The following DUSP8 variants were observed in gnomAD, a reference collection of about 807,000 sequenced individuals.
DUSP8 encodes dual specificity protein phosphatase 8.
In DUSP8, 15 loss-of-function variants were observed where a neutral mutation model predicts 38.7. That is an observed-to-expected ratio of 0.39 (90% CI 0.26 to 0.60). The LOEUF is 0.60. Among genes scored for constraint, DUSP8 ranks in the 20% least tolerant of loss-of-function variants. The probability of loss-of-function intolerance (pLI) is 0.56; values close to 1 mark genes in which losing one functional copy is unlikely to be tolerated. For synonymous variants in DUSP8, 458 were observed against 433.9 expected (o/e 1.06, Z -0.69); for missense variants, 768 against 915.0 (o/e 0.84, Z 2.07).
At position 1,556,718 on chromosome 11, in the gene DUSP8, C is replaced by G; in HGVS notation, c.1678G>C (p.Glu560Gln). 8.1e-7 allele frequency: 1 copy of G among 1,236,550 alleles called. No homozygotes were observed. The highest frequency in any genetic ancestry group is 1.0e-6 in the Non-Finnish European group (1 of 990,202). 76.6% of individuals were successfully genotyped at this position (1,236,550 alleles called of 1,614,324 possible). ...PGGGSDLRRREAARAEPRDAR... is the reference protein window; with the variant it reads ...PGGGSDLRRRQAARAEPRDAR... ...TCCCGGGGCTCAGCCCTCGCTGCCT[C>G]CCGCCGCCGCAGGTCGCTGCCGCCG... Residue 560 changes from glutamate to glutamine, a missense_variant, in exon 7 of 7, where the codon GAG (glutamate) becomes CAG (glutamine). This residue lies in a region of DUSP8 where 474 missense variants were observed against 430.8 expected (regional missense o/e 1.10). Transcript: ENST00000397374. This position sits in a 1 kb window ranked among gnomAD's most constrained non-coding sequence, Gnocchi z 5.2.
In DUSP8 at chr11:1,557,528, G is replaced by A. The variant is rs772394327; in HGVS notation, c.868C>T (p.Leu290=). Residue 290 remains leucine (L), a synonymous_variant, in exon 7 of 7, where the codon CTG becomes TTG. Transcript: ENST00000397374. This position sits in a 1 kb window ranked among gnomAD's most constrained non-coding sequence, Gnocchi z 9.9. ...CGCTCGTACTCCAGCAGCTGGCCCA[G>A]GAAGTTGAAGTTGGGCGAGATGGAC... ...RPSISPNFNF[L]GQLLEYERSL... 2.4e-5 allele frequency: 39 copies of A among 1,592,122 alleles called. No individual in the cohort carries two copies. In the South Asian group the frequency reaches 4.1e-4, roughly 17 times the overall value.
chr11:1,568,697 C>G (rs1400421097), intron 1 of DUSP8, among the ~76,000 whole-genome samples: 1 of 152,218 alleles, frequency 6.6e-6, no homozygotes, highest in East Asian at 1.9e-4. Flanking sequence ...TCTGCCCTAC[C>G]TGGTCCTAAC....
chr11:1,559,299 T>G, intron 3 of DUSP8: 1 of 455,398 alleles, frequency 2.2e-6, no homozygotes, highest in Non-Finnish European at 3.8e-6. Context: ...TCATGCTAAT[T>G]AGGGGCTGAC....
intron 3 of DUSP8, among the ~76,000 whole-genome samples, chr11:1,561,384 C>T (rs1044370503): frequency 5.9e-5 from 9 of 152,224 alleles, no homozygotes; most frequent in Non-Finnish European, 2.9e-5. Flanking sequence ...CAGTCACAGA[C>T]GCACTTCTGC....
In DUSP8 at chr11:1,565,550, T is replaced by C. The variant is rs772248276; in HGVS notation, c.231+46A>G. 3 of 1,491,884 alleles carry C rather than the reference T, an allele frequency of 2.0e-6. No individual in the cohort carries two copies. In the South Asian group the frequency reaches 3.5e-5, roughly 18 times the overall value. 92.4% of individuals were successfully genotyped at this position (1,491,884 alleles called of 1,614,324 possible). A position where few individuals can be genotyped will look rare whatever the true frequency, so the allele number is the denominator to read the frequency against. Reference sequence around the variant, plus strand: ...GCCCGAGCTGAGGGCCCCTTAGCTGTGGACCCTGGACGTGATGCATGCCTG... The same window carrying C: ...GCCCGAGCTGAGGGCCCCTTAGCTGCGGACCCTGGACGTGATGCATGCCTG... On this transcript the variant is annotated intron_variant, in intron 2 of 6. Coordinates refer to ENST00000397374, the MANE Select transcript of DUSP8 (RefSeq NM_004420.3).
In DUSP8 at chr11:1,557,723, G is replaced by C; in HGVS notation, c.821+71C>G. On this transcript the variant is annotated intron_variant, in intron 6 of 6. Transcript: ENST00000397374. This position sits in a 1 kb window ranked among gnomAD's most constrained non-coding sequence, Gnocchi z 9.9. ...GGTCCTGGACGGTGGGGTCATTCTG[G>C]TGCAAGTGGGCAGCCGGGGGAAGGG... 6.2e-7 allele frequency: 1 copy of C among 1,603,096 alleles called. No individual in the cohort carries two copies. The highest frequency in any genetic ancestry group is 8.5e-7 in the Non-Finnish European group (1 of 1,175,034).
Position 1,569,157 on chromosome 11 carries a change from G to A in DUSP8, c.-109+2744C>T, listed in dbSNP as rs528205214. Among the ~76,000 whole-genome samples, 5 of 152,270 alleles carry A rather than the reference G, an allele frequency of 3.3e-5. No individual in the cohort carries two copies. In the East Asian group the frequency reaches 9.6e-4, roughly 29 times the overall value. Reference sequence around the variant, plus strand: ...TGGCCCTGCTATTCCAGTGCCTAGGGGTTGGGGGGTGAGAGGCAGGGCTGG... The same window carrying A: ...TGGCCCTGCTATTCCAGTGCCTAGGAGTTGGGGGGTGAGAGGCAGGGCTGG... On this transcript the variant is annotated intron_variant, in intron 1 of 6. Transcript: ENST00000397374.
Position 1,565,710 on chromosome 11 carries a change from G to A in DUSP8, c.117C>T (p.Asn39=). ...TGACGGAGCTGAGCACATGCCAGCTGTTGTACTCCACGAAGGAGCGGCTGT... is the reference window on the plus strand; with the variant it reads ...TGACGGAGCTGAGCACATGCCAGCTATTGTACTCCACGAAGGAGCGGCTGT... ...VIDSRSFVEY[N]SWHVLSSVNI... is the part of the protein sequence containing the mutation. Residue 39 remains asparagine, a synonymous_variant, in exon 2 of 7, where the codon AAC becomes AAT. Coordinates refer to ENST00000397374, the MANE Select transcript of DUSP8 (RefSeq NM_004420.3). The A allele has an allele frequency of 6.2e-7, 1 of 1,612,002 alleles. No homozygotes were observed. Among genetic ancestry groups the A allele is most frequent in the Non-Finnish European group, 8.5e-7 (1 of 1,179,706 alleles).
chr11:1,560,594 T>C (rs1274858420), intron 3 of DUSP8, among the ~76,000 whole-genome samples: 1 of 152,202 alleles, frequency 6.6e-6, no homozygotes, highest in Non-Finnish European at 1.5e-5. Context: ...ACCTGCTGAC[T>C]GGACAGGGGA....
At chr11:1,570,336 C>A (rs1168840413) in intron 1 of DUSP8, among the ~76,000 whole-genome samples, 2 of 152,144 alleles carry the variant, frequency 1.3e-5, no homozygotes, top group African/African-American at 4.8e-5. Context: ...GGGGCCTCAG[C>A]GGGTGCAGTT....
In DUSP8 at chr11:1,558,084, C is replaced by A; in HGVS notation, c.697+28G>T. 1 of 1,611,714 alleles carries A rather than the reference C, an allele frequency of 6.2e-7. No individual in the cohort carries two copies. Among genetic ancestry groups the A allele is most frequent in the South Asian group, 1.1e-5 (1 of 90,978 alleles). On this transcript the variant is annotated intron_variant, in intron 5 of 6. Transcript: ENST00000397374. The surrounding 1 kb of genome is among the most constrained non-coding windows in gnomAD (Gnocchi z 6.3). ...AGCTCTAGCCTTCCTCTAGCCAGGT[C>A]CCTGCCCTCCGCCCACCGCAGACTC...
rs758964260 is a variant in DUSP8, at chr11:1,563,936, G to A, written c.285C>T (p.Asp95=). 5.8e-5 allele frequency: 89 copies of A among 1,543,762 alleles called. No homozygotes were observed. The highest frequency in any genetic ancestry group is 7.3e-5 in the Non-Finnish European group (84 of 1,143,126). ...DVVVYDQSTR[D]ASVLAADSFL... is the part of the protein sequence containing the mutation. Reference sequence around the variant, plus strand: ...AGCTGTCTGCGGCCAGCACGCTGGCGTCCCGCGTGCTCTGGTCATAGACCA... The same window carrying A: ...AGCTGTCTGCGGCCAGCACGCTGGCATCCCGCGTGCTCTGGTCATAGACCA... The change falls in exon 3 of 7, where the codon GAC becomes GAT. Residue 95 remains aspartate (D), a synonymous_variant. Transcript: ENST00000397374.
intron 2 of DUSP8, among the ~76,000 whole-genome samples, chr11:1,564,877 C>A (rs1848778186): frequency 6.6e-6 from 1 of 152,212 alleles, no homozygotes. Flanking sequence ...CTATCAGTGA[C>A]CCAGACCCCT....
In DUSP8 at chr11:1,563,910, A is replaced by C; in HGVS notation, c.311T>G (p.Phe104Cys). Residue 104 changes from phenylalanine (F) to cysteine (C), a missense_variant, in exon 3 of 7, where the codon TTC becomes TGC. Transcript: ENST00000397374. ...RDASVLAADS[F>C]LSILLSKLDG... ...CAGCTTGCTCAGCAGGATGGAGAGG[A>C]AGCTGTCTGCGGCCAGCACGCTGGC... The C allele has an allele frequency of 6.4e-7, 1 of 1,551,064 alleles. No homozygotes were observed. The highest frequency in any genetic ancestry group is 8.7e-7 in the Non-Finnish European group (1 of 1,147,310).
intron 1 of DUSP8, among the ~76,000 whole-genome samples, chr11:1,566,246 G>GGACACAGGCATCTCCCTGC (rs1848802545): frequency 6.6e-6 from 1 of 152,024 alleles, no homozygotes; most frequent in Non-Finnish European, 1.5e-5. Flanking sequence ...CTCATCCCTG[G>GGACACAGGCATCTCCCTGC]GACACAGGCA....
intron 1 of DUSP8, among the ~76,000 whole-genome samples, chr11:1,567,853 C>T (rs1848827255): frequency 6.6e-6 from 1 of 152,124 alleles, no homozygotes; most frequent in African/African-American, 2.4e-5. Flanking sequence ...AAAGGGCCTG[C>T]TGCCTGCCTG....
intron 1 of DUSP8, among the ~76,000 whole-genome samples, chr11:1,567,776 C>T (rs989639587): frequency 2.6e-5 from 4 of 152,234 alleles, no homozygotes; most frequent in African/African-American, 9.6e-5. Flanking sequence ...GCTCCAGCCT[C>T]CACCACAGGG....
chr11:1,556,812 G>A lies in DUSP8; in HGVS notation c.1584C>T (p.Pro528=). ...PSPDGPWCFS[P]EGAQGAGGVL... ...CCCCGCCCGCCCCCTGTGCGCCCTCGGGGCTGAAGCACCAGGGCCCGTCGG... is the reference window on the plus strand; with the variant it reads ...CCCCGCCCGCCCCCTGTGCGCCCTCAGGGCTGAAGCACCAGGGCCCGTCGG... The change falls in exon 7 of 7, where the codon CCC becomes CCT. Residue 528 remains proline (P), a synonymous_variant. Transcript: ENST00000397374. This position sits in a 1 kb window ranked among gnomAD's most constrained non-coding sequence, Gnocchi z 5.2. The A allele has an allele frequency of 9.4e-6, 11 of 1,167,464 alleles. No homozygotes were observed. The highest frequency in any genetic ancestry group is 1.2e-5 in the Non-Finnish European group (11 of 946,816). The allele number at this position is 1,167,464 out of a possible 1,614,324, so 72.3% of individuals were successfully genotyped here.
chr11:1,572,249 G>T lies in DUSP8; in HGVS notation c.-457C>A, dbSNP rs1289673080. ...GGGGCGTCGTGGGGGGAGCCGGCTC[G>T]GCCGCCGCGCTCGGCCGCGAGTGAC... On this transcript the variant is annotated 5_prime_UTR_variant, in exon 1 of 7. Transcript: ENST00000397374. This position sits in a 1 kb window ranked among gnomAD's most constrained non-coding sequence, Gnocchi z 4.7. Among the ~76,000 whole-genome samples, 1 of 146,618 alleles carries T rather than the reference G, an allele frequency of 6.8e-6. No individual in the cohort carries two copies. The highest frequency in any genetic ancestry group is 2.5e-5 in the African/African-American group (1 of 40,378).
Sources: allele counts gnomAD v4.1 joint callset (sites outside exome capture counted in the v4.1 genomes callset), GRCh38; gene constraint gnomAD v4.1.1; regional missense constraint gnomAD v4.1.1; non-coding constraint Gnocchi (gnomAD v3.1); transcripts MANE v1.5; gene names NCBI Gene and HGNC (gene_info 2026-07-23, HGNC 2026-07-21).